Variants in NEGR1 observed in about 807,000 individuals in gnomAD.
The protein encoded by NEGR1 is neuronal growth regulator 1.
Under a neutral mutation model 40.9 loss-of-function variants are expected in NEGR1, and 10 were observed. The ratio of observed to expected loss-of-function variants is 0.24; its 90% CI spans 0.15 to 0.42. The LOEUF (loss-of-function observed/expected upper bound fraction) is 0.42. Among genes scored for constraint, NEGR1 ranks in the 10% least tolerant of loss-of-function variants. The probability of loss-of-function intolerance (pLI) is 1.00; values close to 1 mark genes in which losing one functional copy is unlikely to be tolerated. For missense variants in NEGR1, 352 were observed against 438.9 expected (o/e 0.80, Z 1.77); for synonymous variants, 185 against 166.8 (o/e 1.11, Z -0.84).
chr1:71,513,417 G>T (rs946024442), intron 6 of NEGR1, among the ~76,000 whole-genome samples: 1 of 152,068 alleles, frequency 6.6e-6, no homozygotes, highest in African/African-American at 2.4e-5. Flanking sequence ...ATGTTTTTGA[G>T]TTGATAAAAT....
intron 1 of NEGR1, among the ~76,000 whole-genome samples, chr1:72,072,873 G>C (rs1647530961): frequency 2.0e-5 from 3 of 152,112 alleles, no homozygotes; most frequent in Admixed American, 2.0e-4. Flanking sequence ...TCCACATACA[G>C]ATAATAGTCA....
chr1:71,770,805 T>A (rs1656291220), intron 3 of NEGR1, among the ~76,000 whole-genome samples: 1 of 152,196 alleles, frequency 6.6e-6, no homozygotes, highest in Non-Finnish European at 1.5e-5. Context: ...AAACAACAAA[T>A]GCTGGAGAGG....
chr1:71,698,496 T>A (rs1653564190), intron 3 of NEGR1, among the ~76,000 whole-genome samples: 1 of 151,886 alleles, frequency 6.6e-6, no homozygotes, highest in South Asian at 2.1e-4. Flanking sequence ...TTGGTACATA[T>A]TGACTTCTCT....
chr1:72,101,551 C>A (rs368528221), intron 1 of NEGR1, among the ~76,000 whole-genome samples: 365 of 152,144 alleles, frequency 2.4e-3, no homozygotes, highest in South Asian at 5.6e-3. Flanking sequence ...TTTGAATTCA[C>A]CAAGATTTCA....
At chr1:72,078,233 T>C (rs559176334) in intron 1 of NEGR1, among the ~76,000 whole-genome samples, 9 of 152,282 alleles carry the variant, frequency 5.9e-5, no homozygotes, top group African/African-American at 2.2e-4. Context: ...AAGTGTAGTG[T>C]ATTTGCATGT....
intron 2 of NEGR1, among the ~76,000 whole-genome samples, chr1:71,801,238 T>G (rs1212427361): frequency 1.3e-5 from 2 of 152,218 alleles, no homozygotes; most frequent in African/African-American, 2.4e-5. Context: ...TTTTTCCTCC[T>G]ATCTCACTAG....
intron 1 of NEGR1, among the ~76,000 whole-genome samples, chr1:72,147,710 A>G (rs998111331): frequency 7.9e-5 from 12 of 152,150 alleles, no homozygotes; most frequent in African/African-American, 2.9e-4. Flanking sequence ...AAAGCAAGGT[A>G]CTTACTTCCT....
chr1:71,639,190 T>C (rs1340222034), intron 4 of NEGR1, among the ~76,000 whole-genome samples: 3 of 140,546 alleles, frequency 2.1e-5, no homozygotes, highest in Non-Finnish European at 3.0e-5. Context: ...TATTTGAAGA[T>C]GAACAGATGT....
intron 1 of NEGR1, among the ~76,000 whole-genome samples, chr1:72,041,719 T>C (rs571932363): frequency 6.7e-6 from 1 of 148,850 alleles, no homozygotes; most frequent in South Asian, 2.1e-4. Context: ...TAGATGGATA[T>C]ATATATACAC....
intron 1 of NEGR1, among the ~76,000 whole-genome samples, chr1:72,015,958 G>A (rs1383213512): frequency 6.6e-6 from 1 of 152,126 alleles, no homozygotes; most frequent in Non-Finnish European, 1.5e-5. Context: ...CTAACATTTT[G>A]TCTGATCCAA....
chr1:71,540,437 A>G (rs1377545927), intron 6 of NEGR1, among the ~76,000 whole-genome samples: 1 of 151,786 alleles, frequency 6.6e-6, no homozygotes, highest in East Asian at 2.0e-4. Flanking sequence ...CATTACTCCT[A>G]GGAACTGAAT....
chr1:72,146,489 T>C (rs1043807117), intron 1 of NEGR1, among the ~76,000 whole-genome samples: 2 of 152,192 alleles, frequency 1.3e-5, no homozygotes, highest in Admixed American at 1.3e-4. Context: ...CAACCACAGA[T>C]TGCACACATG....
chr1:71,722,445 G>T (rs1040118807), intron 3 of NEGR1, among the ~76,000 whole-genome samples: 1 of 151,860 alleles, frequency 6.6e-6, no homozygotes, highest in Non-Finnish European at 1.5e-5. Context: ...GTCATTAAGG[G>T]TATCTTATAC....
At chr1:71,853,892 T>C (rs1253754048) in intron 2 of NEGR1, among the ~76,000 whole-genome samples, 1 of 152,160 alleles carries the variant, frequency 6.6e-6, no homozygotes, top group African/African-American at 2.4e-5. Context: ...ATGTGTTTAG[T>C]TCAGAGCAAA....
chr1:72,253,808 T>C (rs1463067909), intron 1 of NEGR1, among the ~76,000 whole-genome samples: 1 of 152,210 alleles, frequency 6.6e-6, no homozygotes, highest in Non-Finnish European at 1.5e-5. Flanking sequence ...GCATCAATGA[T>C]ATTGAAATGG....
intron 1 of NEGR1, among the ~76,000 whole-genome samples, chr1:72,156,053 T>C (rs1490435087): frequency 6.6e-6 from 1 of 152,140 alleles, no homozygotes; most frequent in Non-Finnish European, 1.5e-5. Context: ...ATCTAAGCCA[T>C]AACATTTGAA....
intron 3 of NEGR1, among the ~76,000 whole-genome samples, chr1:71,764,662 G>A (rs1444435501): frequency 6.6e-6 from 1 of 152,158 alleles, no homozygotes; most frequent in Non-Finnish European, 1.5e-5. Context: ...AAGATGAGGA[G>A]TGTAGTGGCT....
chr1:71,791,513 A>G (rs184667577), intron 2 of NEGR1, among the ~76,000 whole-genome samples: 1 of 152,234 alleles, frequency 6.6e-6, no homozygotes, highest in East Asian at 1.9e-4. Flanking sequence ...ATTTATCAGT[A>G]GCCTGCCTAC....
intron 1 of NEGR1, among the ~76,000 whole-genome samples, chr1:72,252,555 C>T (rs1290928211): frequency 6.6e-6 from 1 of 152,186 alleles, no homozygotes; most frequent in Non-Finnish European, 1.5e-5. Flanking sequence ...TTGTTGATAT[C>T]TCTTCCTCTA....
Sources: allele counts gnomAD v4.1 joint callset (sites outside exome capture counted in the v4.1 genomes callset), GRCh38; gene constraint gnomAD v4.1.1; transcripts MANE v1.5; gene names NCBI Gene and HGNC (gene_info 2026-07-23, HGNC 2026-07-21).